The following PPARGC1A variants were observed in gnomAD, a reference collection of about 807,000 sequenced individuals.
PPARGC1A encodes peroxisome proliferator-activated receptor gamma coactivator 1-alpha.
PPARGC1A carries 25 observed loss-of-function variants against 88.7 expected under a neutral mutation model. The ratio of observed to expected loss-of-function variants is 0.28; its 90% CI spans 0.21 to 0.39. The LOEUF (loss-of-function observed/expected upper bound fraction) is 0.39. PPARGC1A is among the 10% of genes least tolerant of loss of function. The pLI, the probability that PPARGC1A is intolerant of heterozygous loss-of-function variation, is 1.00. For missense variants in PPARGC1A, 880 were observed against 968.7 expected (o/e 0.91, Z 1.22); for synonymous variants, 363 against 355.6 (o/e 1.02, Z -0.24).
intron 10 of PPARGC1A, among the ~76,000 whole-genome samples, chr4:23,807,816 A>T (rs893912598): frequency 6.6e-6 from 1 of 152,182 alleles, no homozygotes. Context: ...GTACAATAGC[A>T]TAATTAACTA....
the PPARGC1A span, among the ~76,000 whole-genome samples, chr4:24,328,905 C>T: frequency 1.3e-5 from 2 of 152,328 alleles, no homozygotes; most frequent in African/African-American, 4.8e-5. Flanking sequence ...GTCTCGGAAC[C>T]AAACTTGTAT....
the PPARGC1A span, among the ~76,000 whole-genome samples, chr4:23,997,048 A>G: frequency 6.6e-6 from 1 of 152,174 alleles, no homozygotes; most frequent in Non-Finnish European, 1.5e-5. Flanking sequence ...GGGTGTCAGA[A>G]GAATCATGGT....
the PPARGC1A span, among the ~76,000 whole-genome samples, chr4:24,266,326 G>A: frequency 6.6e-6 from 1 of 152,096 alleles, no homozygotes; most frequent in African/African-American, 2.4e-5. Context: ...GTTGTAGGAG[G>A]AAAAATGCAG....
At chr4:24,044,490 G>A in the PPARGC1A span, among the ~76,000 whole-genome samples, 105 of 152,252 alleles carry the variant, frequency 6.9e-4, no homozygotes, top group African/African-American at 2.4e-3. Context: ...CAGCCATTTT[G>A]GAAGTGTTTG....
At chr4:24,163,121 T>C in the PPARGC1A span, among the ~76,000 whole-genome samples, 3 of 150,308 alleles carry the variant, frequency 2.0e-5, no homozygotes, top group South Asian at 6.5e-4. Context: ...TTCTCAAAAA[T>C]ACAGGATCTG....
chr4:23,953,584 C>G, the PPARGC1A span, among the ~76,000 whole-genome samples: 1 of 151,860 alleles, frequency 6.6e-6, no homozygotes, highest in Non-Finnish European at 1.5e-5. Context: ...AGTAATATCC[C>G]CAGGGAAGTA....
chr4:24,262,053 C>T, the PPARGC1A span, among the ~76,000 whole-genome samples: 2 of 152,146 alleles, frequency 1.3e-5, no homozygotes, highest in Admixed American at 1.3e-4. Flanking sequence ...ATATTCCCAG[C>T]GGCAGTCTCA....
the PPARGC1A span, among the ~76,000 whole-genome samples, chr4:24,097,367 A>G: frequency 2.0e-5 from 3 of 152,118 alleles, no homozygotes; most frequent in African/African-American, 7.2e-5. Context: ...TCACCTACCC[A>G]TGGGATTTTG....
At chr4:24,328,366 C>A in the PPARGC1A span, among the ~76,000 whole-genome samples, 1 of 151,918 alleles carries the variant, frequency 6.6e-6, no homozygotes, top group African/African-American at 2.4e-5. Context: ...ATGTCTTCTA[C>A]CACAGACCTT....
the PPARGC1A span, among the ~76,000 whole-genome samples, chr4:24,399,753 T>C: frequency 6.6e-6 from 1 of 152,210 alleles, no homozygotes; most frequent in South Asian, 2.1e-4. Flanking sequence ...CATATCTTAT[T>C]ATCTGAAGCA....
chr4:24,433,784 G>C, the PPARGC1A span, among the ~76,000 whole-genome samples: 6 of 152,014 alleles, frequency 3.9e-5, no homozygotes, highest in African/African-American at 1.4e-4. Flanking sequence ...CATCATTCCT[G>C]AGCACATGTT....
chr4:24,193,272 G>A, the PPARGC1A span, among the ~76,000 whole-genome samples: 19 of 152,332 alleles, frequency 1.2e-4, no homozygotes, highest in South Asian at 3.9e-3. Flanking sequence ...GGCCGGGAAT[G>A]TATAAGGTGA....
the PPARGC1A span, among the ~76,000 whole-genome samples, chr4:24,304,303 A>G: frequency 6.6e-6 from 1 of 152,220 alleles, no homozygotes; most frequent in Non-Finnish European, 1.5e-5. Flanking sequence ...CAGACTTGTT[A>G]TAACTTGTTA....
chr4:24,124,165 C>T, the PPARGC1A span, among the ~76,000 whole-genome samples: 6 of 152,106 alleles, frequency 3.9e-5, no homozygotes, highest in African/African-American at 9.7e-5. Context: ...AATGCTAACC[C>T]ATAACCCCAT....
chr4:24,312,910 AAC>A, the PPARGC1A span, among the ~76,000 whole-genome samples: 3 of 152,310 alleles, frequency 2.0e-5, no homozygotes, highest in East Asian at 3.9e-4. Flanking sequence ...CAAAAATTAA[AAC>A]AGTTACCATA....
chr4:23,870,996 A>G (rs1256626083), intron 2 of PPARGC1A, among the ~76,000 whole-genome samples: 1 of 147,760 alleles, frequency 6.8e-6, no homozygotes, highest in African/African-American at 2.5e-5. Context: ...ACACAGTCCT[A>G]TTGGAGGGTA....
At chr4:24,446,591 A>ATTTTTTTTTTTTTTTTTTTTTTTTTTT in the PPARGC1A span, among the ~76,000 whole-genome samples, 1 of 134,884 alleles carries the variant, frequency 7.4e-6, no homozygotes, top group Non-Finnish European at 1.6e-5. Context: ...AAAACACTGA[A>ATTTTTTTTTTTTTTTTTTTTTTTTTTT]TTTTTTTTTT....
chr4:24,175,375 GTT>G, the PPARGC1A span, among the ~76,000 whole-genome samples: 15 of 114,950 alleles, frequency 1.3e-4, no homozygotes, highest in South Asian at 3.1e-4. Flanking sequence ...TCTTTGTTTC[GTT>G]TTTTTTTTTT....
chr4:23,901,272 A>C (rs967911658), upstream of PPARGC1A, among the ~76,000 whole-genome samples: 4 of 151,710 alleles, frequency 2.6e-5, no homozygotes, highest in Non-Finnish European at 1.5e-5. Flanking sequence ...AGGGAGGCTA[A>C]GGCAGGAGAA....
Sources: allele counts gnomAD v4.1 joint callset (sites outside exome capture counted in the v4.1 genomes callset), GRCh38; gene constraint gnomAD v4.1.1; transcripts MANE v1.5; gene names NCBI Gene and HGNC (gene_info 2026-07-23, HGNC 2026-07-21).